ARFGEF2: variants seen among roughly 807,000 people sequenced by gnomAD.
The protein encoded by ARFGEF2 is brefeldin A-inhibited guanine nucleotide-exchange protein 2.
ARFGEF2 carries 74 observed loss-of-function variants against 219.9 expected under a neutral mutation model. The observed-to-expected ratio is 0.34, with a 90% CI of 0.28 to 0.41. ARFGEF2 has a LOEUF of 0.41. Ranked by LOEUF, ARFGEF2 falls within the 10% of genes least tolerant of loss-of-function variation. The pLI is 1.00. For synonymous variants in ARFGEF2, 733 were observed against 799.2 expected, an observed-to-expected ratio of 0.92 and a Z score of 1.40; for missense variants, 1,743 against 2,218.3, an observed-to-expected ratio of 0.79 and a Z score of 4.30.
chr20:49,012,962 G>A (rs1043078340), intron 28 of ARFGEF2, among the ~76,000 whole-genome samples: 3 of 152,124 alleles, frequency 2.0e-5, no homozygotes, highest in Non-Finnish European at 2.9e-5. Context: ...CAGAAATAGG[G>A]CAGAGAGTAG....
At chr20:48,964,050 A>G (rs975082034) in intron 7 of ARFGEF2, 152 bp downstream of exon 7, 7 of 753,706 alleles carry the variant, frequency 9.3e-6, no homozygotes, top group Admixed American at 2.1e-5. Context: ...CCCATCTTTT[A>G]TATGGGATTC....
chr20:49,005,112 G>A lies in ARFGEF2; in HGVS notation c.3475G>A (p.Asp1159Asn), dbSNP rs200389766. ...PNEDVAIFAV[D>N]SLRQLSMKFL... ...TGAAGATGTGGCTATCTTTGCTGTT[G>A]ACTCATTAAGGCAACTCTCCATGAA... Residue 1159 changes from aspartate (D) to asparagine (N), a missense_variant, in exon 26 of 39, where the codon GAC (aspartate) becomes AAC (asparagine). Physicochemically the swap from Asp to Asn is conservative, Grantham distance 23 (BLOSUM62 1). This residue lies in a region of ARFGEF2 where 102 missense variants were observed against 146.8 expected (regional missense o/e 0.69). Transcript: ENST00000371917. 7.4e-6 allele frequency: 12 copies of A among 1,614,148 alleles called. No homozygotes were observed.
chr20:48,991,279 A>G (rs971477081), intron 21 of ARFGEF2, 81 bp downstream of exon 21: 2 of 1,583,732 alleles, frequency 1.3e-6, no homozygotes, highest in Admixed American at 3.3e-5. Context: ...TCATTTGGTC[A>G]GTTCTGTTTT....
At position 49,033,146 on chromosome 20, in the gene ARFGEF2, T is replaced by C. The variant is rs776030422; in HGVS notation, c.5305T>C (p.Trp1769Arg). Residue 1769 changes from tryptophan to arginine, a missense_variant, in exon 39 of 39, where the codon TGG becomes CGG. By Grantham distance (101) the Trp-to-Arg change is moderately radical. Coordinates refer to ENST00000371917, the MANE Select transcript of ARFGEF2 (RefSeq NM_006420.3). ...FLRIGVVYKI[W>R]IPEEPSQVPA... ...ACGGATAGGTGTTGTGTATAAGATA[T>C]GGATACCAGAAGAGCCATCACAGGT... 7 of 1,614,212 alleles carry C rather than the reference T, an allele frequency of 4.3e-6. No individual in the cohort carries two copies. In the Admixed American group the frequency reaches 6.7e-5, roughly 15 times the overall value.
At chr20:49,002,751 C>A (rs1316393253) in intron 25 of ARFGEF2, among the ~76,000 whole-genome samples, 3 of 26,254 alleles carry the variant, frequency 1.1e-4, no homozygotes, top group Non-Finnish European at 2.0e-4. Flanking sequence ...ACAAGCAATT[C>A]TCCTGCCTCA....
At chr20:48,948,347 G>A (rs1210213692) in intron 3 of ARFGEF2, among the ~76,000 whole-genome samples, 5 of 152,056 alleles carry the variant, frequency 3.3e-5, no homozygotes, top group Non-Finnish European at 7.3e-5. Context: ...ACTGGCATAT[G>A]ACGTGTCATG....
chr20:49,001,676 A>G (rs1334846098), intron 25 of ARFGEF2, among the ~76,000 whole-genome samples: 1 of 152,194 alleles, frequency 6.6e-6, no homozygotes, highest in Non-Finnish European at 1.5e-5. Context: ...AATTACAGCT[A>G]AAACATCTTT....
At chr20:48,978,850 T>G (rs942549038) in intron 14 of ARFGEF2, among the ~76,000 whole-genome samples, 2 of 152,238 alleles carry the variant, frequency 1.3e-5, no homozygotes, top group African/African-American at 4.8e-5. Flanking sequence ...CTGAAGTTGC[T>G]TATCAGCTTA....
intron 1 of ARFGEF2, among the ~76,000 whole-genome samples, 156 bp from the exon 2 acceptor site, chr20:48,941,043 G>A (rs2090990209): frequency 6.6e-6 from 1 of 152,100 alleles, no homozygotes; most frequent in Non-Finnish European, 1.5e-5. Context: ...TATTATTATT[G>A]CTGTTACAAT....
chr20:48,972,516 G>C (rs759581841), intron 11 of ARFGEF2, 91 bp downstream of exon 11: 117 of 1,026,760 alleles, frequency 1.1e-4, no homozygotes, highest in Non-Finnish European at 1.6e-4. Flanking sequence ...TCCTTTTAGA[G>C]TTTTAAAGGA....
Position 49,017,240 on chromosome 20 carries a change from A to C in ARFGEF2, c.4316-9A>C, listed in dbSNP as rs1600549374. On this transcript the variant is annotated splice_polypyrimidine_tract_variant and intron_variant, in intron 31 of 38. Transcript: ENST00000371917. ...GAAGTTTAATGATAGATACTGCTTT[A>C]TTTTACAGATAATGAACAGTTGGCG... 1 of 1,613,756 alleles carries C rather than the reference A, an allele frequency of 6.2e-7. No homozygotes were observed. Among genetic ancestry groups the C allele is most frequent in the Admixed American group, 1.7e-5 (1 of 60,004 alleles).
chr20:48,950,499 T>TA (rs1186132756), intron 3 of ARFGEF2, among the ~76,000 whole-genome samples: 2 of 151,998 alleles, frequency 1.3e-5, no homozygotes, highest in Non-Finnish European at 2.9e-5. Context: ...TTCATCCATT[T>TA]AAAGTGTAAT....
At chr20:48,976,534 C>T (rs935179608) in intron 14 of ARFGEF2, among the ~76,000 whole-genome samples, 23 of 152,078 alleles carry the variant, frequency 1.5e-4, no homozygotes, top group African/African-American at 4.1e-4. Flanking sequence ...GATGGCCCGG[C>T]GCAGTGGCTC....
In ARFGEF2 at chr20:48,974,753, C is replaced by T. The variant is rs1478131516; in HGVS notation, c.1666-13C>T. Reference sequence around the variant, plus strand: ...TCTGTTAAGTCTCTTTCCTGTGTGACTTCGTCCCTTAGGAGCTCAGCCTGA... The same window carrying T: ...TCTGTTAAGTCTCTTTCCTGTGTGATTTCGTCCCTTAGGAGCTCAGCCTGA... On this transcript the variant is annotated splice_polypyrimidine_tract_variant and intron_variant, in intron 12 of 38. Coordinates refer to ENST00000371917, the MANE Select transcript of ARFGEF2 (RefSeq NM_006420.3). The T allele has an allele frequency of 1.9e-6, 3 of 1,607,666 alleles. No individual in the cohort carries two copies. Among genetic ancestry groups the T allele is most frequent in the East Asian group, 2.2e-5 (1 of 44,818 alleles).
chr20:48,922,153 C>G, intron 1 of ARFGEF2, 143 bp downstream of exon 1: 1 of 1,327,820 alleles, frequency 7.5e-7, no homozygotes, highest in Non-Finnish European at 1.0e-6. Context: ...CCTCATTATA[C>G]CCCCGGAGGA....
intron 1 of ARFGEF2, among the ~76,000 whole-genome samples, chr20:48,927,893 C>A (rs1383063573): frequency 2.0e-5 from 3 of 152,018 alleles, no homozygotes; most frequent in African/African-American, 7.2e-5. Context: ...ACTGTGGATT[C>A]TTCAGGAGGA....
intron 3 of ARFGEF2, among the ~76,000 whole-genome samples, chr20:48,946,347 G>T (rs1201636171): frequency 6.6e-6 from 1 of 152,072 alleles, no homozygotes; most frequent in Non-Finnish European, 1.5e-5. Flanking sequence ...AAAAGATTCT[G>T]TCTTCCCTTT....
chr20:49,011,852 C>A, intron 27 of ARFGEF2, 72 bp from the exon 28 acceptor site: 2 of 1,438,228 alleles, frequency 1.4e-6, no homozygotes, highest in Non-Finnish European at 9.8e-7. Context: ...TGTGTGTGTG[C>A]ACGCACGTGC....
At chr20:48,926,542 T>G (rs2090877983) in intron 1 of ARFGEF2, among the ~76,000 whole-genome samples, 1 of 151,804 alleles carries the variant, frequency 6.6e-6, no homozygotes, top group South Asian at 2.1e-4. Context: ...CACTGCAACC[T>G]CTCCATCCCT....
Sources: allele counts gnomAD v4.1 joint callset (sites outside exome capture counted in the v4.1 genomes callset), GRCh38; gene constraint gnomAD v4.1.1; regional missense constraint gnomAD v4.1.1; transcripts MANE v1.5; gene names NCBI Gene and HGNC (gene_info 2026-07-23, HGNC 2026-07-21).